Variants in NPSR1 observed in about 807,000 individuals in gnomAD.
NPSR1 encodes neuropeptide S receptor 1, also known as neuropeptide S receptor.
NPSR1 carries 48 observed loss-of-function variants against 46.9 expected under a neutral mutation model. The ratio of observed to expected loss-of-function variants is 1.02; its 90% CI spans 0.81 to 1.30. NPSR1 has a LOEUF of 1.30. Ranked by LOEUF, NPSR1 falls within the 50% of genes most tolerant of loss-of-function variation. The probability of loss-of-function intolerance (pLI) is 0.00; values close to 1 mark genes in which losing one functional copy is unlikely to be tolerated. For missense variants in NPSR1, 450 were observed against 449.5 expected (o/e 1.00, Z -0.01); for synonymous variants, 176 against 168.1 (o/e 1.05, Z -0.36).
rs1365723924 is a variant in NPSR1 at position 34,811,795 on chromosome 7, A to G, written c.410A>G (p.Tyr137Cys). Residue 137 changes from tyrosine (Y) to cysteine (C), a missense_variant, in exon 4 of 9, where the codon TAC becomes TGC. By Grantham distance (194) the Tyr-to-Cys change is radical. Coordinates refer to ENST00000360581, the MANE Select transcript of NPSR1 (RefSeq NM_207172.2). ...GTTGTGCTGCTCTACGCCTCTACCTACGTCCTGGTGTCCCTCAGCATAGAC... is the reference window on the plus strand; with the variant it reads ...GTTGTGCTGCTCTACGCCTCTACCTGCGTCCTGGTGTCCCTCAGCATAGAC... ...LQVVLLYAST[Y>C]VLVSLSIDRY... 4 of 1,613,346 alleles carry G rather than the reference A, an allele frequency of 2.5e-6. No homozygotes were observed. Among genetic ancestry groups the G allele is most frequent in the African/African-American group, 1.3e-5 (1 of 74,992 alleles).
intron 3 of NPSR1, among the ~76,000 whole-genome samples, chr7:34,789,067 A>T (rs1305148330): frequency 6.6e-6 from 1 of 152,110 alleles, no homozygotes; most frequent in Non-Finnish European, 1.5e-5. Flanking sequence ...CAAAGAAGAA[A>T]TTAAAAGCAA....
intron 2 of NPSR1, among the ~76,000 whole-genome samples, chr7:34,769,791 A>C (rs1414530112): frequency 6.6e-6 from 1 of 152,120 alleles, no homozygotes; most frequent in Non-Finnish European, 1.5e-5. Flanking sequence ...GCCTGTTGTG[A>C]CTCTACTTCG....
chr7:34,810,472 C>T (rs1377767724), intron 3 of NPSR1, among the ~76,000 whole-genome samples: 1 of 152,098 alleles, frequency 6.6e-6, no homozygotes. Context: ...ATAAAAGAGA[C>T]AGTGGGAAGG....
At chr7:34,665,652 A>T (rs1355212108) in intron 1 of NPSR1, among the ~76,000 whole-genome samples, 1 of 152,072 alleles carries the variant, frequency 6.6e-6, no homozygotes, top group African/African-American at 2.4e-5. Context: ...ATATCACGCT[A>T]ACCTCAATTG....
intron 2 of NPSR1, among the ~76,000 whole-genome samples, chr7:34,765,760 T>C (rs1488678636): frequency 6.6e-6 from 1 of 152,240 alleles, no homozygotes; most frequent in Non-Finnish European, 1.5e-5. Flanking sequence ...GCAACTTGGA[T>C]GCATCTGGAG....
chr7:34,822,499 G>A (rs35342796), intron 4 of NPSR1, among the ~76,000 whole-genome samples: 7 of 152,018 alleles, frequency 4.6e-5, no homozygotes, highest in African/African-American at 1.7e-4. Context: ...CAATTTTAAA[G>A]GTCTTCACCA....
At chr7:34,668,109 G>A (rs1410987058) in intron 1 of NPSR1, among the ~76,000 whole-genome samples, 1 of 152,034 alleles carries the variant, frequency 6.6e-6, no homozygotes, top group Non-Finnish European at 1.5e-5. Context: ...CTACAGCCAC[G>A]ATTCACCCAG....
intron 3 of NPSR1, among the ~76,000 whole-genome samples, chr7:34,807,921 T>C (rs1788788725): frequency 6.8e-6 from 1 of 147,778 alleles, no homozygotes; most frequent in South Asian, 2.3e-4. Context: ...ACAAAATCCG[T>C]ATCCTAATCC....
At chr7:34,806,693 T>A (rs1318639434) in intron 3 of NPSR1, among the ~76,000 whole-genome samples, 1 of 152,118 alleles carries the variant, frequency 6.6e-6, no homozygotes, top group East Asian at 1.9e-4. Context: ...GGTTCATCAG[T>A]TTTAACAAAT....
At chr7:34,750,168 T>A in intron 2 of NPSR1, 1 of 355,608 alleles carries the variant, frequency 2.8e-6, no homozygotes, top group Non-Finnish European at 5.2e-6. Flanking sequence ...GCAAATATTC[T>A]ACAAGGGGAA....
chr7:34,693,804 A>G (rs934775842), intron 2 of NPSR1, among the ~76,000 whole-genome samples: 1 of 152,210 alleles, frequency 6.6e-6, no homozygotes, highest in Non-Finnish European at 1.5e-5. Flanking sequence ...ATACATCACA[A>G]TCAAGTGAGT....
chr7:34,720,655 A>G (rs965925209), intron 2 of NPSR1, among the ~76,000 whole-genome samples: 6 of 152,054 alleles, frequency 3.9e-5, no homozygotes, highest in African/African-American at 1.4e-4. Context: ...AGTATTTAAG[A>G]GTCCTGAAGA....
intron 2 of NPSR1, chr7:34,719,723 C>T (rs192123320): frequency 6.6e-6 from 1 of 152,296 alleles, no homozygotes; most frequent in Admixed American, 6.5e-5. Flanking sequence ...TTTCCATTCT[C>T]TTATGCAAAA....
chr7:34,764,154 G>A (rs780511427), intron 2 of NPSR1, among the ~76,000 whole-genome samples: 2 of 152,156 alleles, frequency 1.3e-5, no homozygotes, highest in South Asian at 2.1e-4. Flanking sequence ...TTAAACAAAC[G>A]ACAAAGGCAT....
chr7:34,780,447 G>A (rs768439522), intron 3 of NPSR1, among the ~76,000 whole-genome samples: 5 of 152,176 alleles, frequency 3.3e-5, no homozygotes, highest in African/African-American at 1.2e-4. Context: ...TAGGGAAAAC[G>A]ATAGAGAAAG....
intron 2 of NPSR1, chr7:34,723,452 C>T (rs1248290628): frequency 3.9e-5 from 6 of 151,994 alleles, no homozygotes; most frequent in African/African-American, 1.2e-4. Flanking sequence ...ACACCAAGTG[C>T]CTAAGAATTT....
chr7:34,803,608 C>T (rs749512919), intron 3 of NPSR1, among the ~76,000 whole-genome samples: 2 of 151,738 alleles, frequency 1.3e-5, no homozygotes, highest in East Asian at 3.9e-4. Flanking sequence ...AGGAGATATA[C>T]CTAATGCTAA....
intron 4 of NPSR1, among the ~76,000 whole-genome samples, chr7:34,812,251 A>G (rs1170523359): frequency 6.6e-6 from 1 of 152,186 alleles, no homozygotes; most frequent in East Asian, 1.9e-4. Context: ...ATTTTCCAGA[A>G]ACAAACACCT....
intron 8 of NPSR1, among the ~76,000 whole-genome samples, chr7:34,859,304 T>A (rs1791129196): frequency 6.6e-6 from 1 of 151,796 alleles, no homozygotes; most frequent in Admixed American, 6.5e-5. Context: ...TCTTCTTGCC[T>A]GCCAAGGGGA....
Sources: allele counts gnomAD v4.1 joint callset (sites outside exome capture counted in the v4.1 genomes callset), GRCh38; gene constraint gnomAD v4.1.1; transcripts MANE v1.5; gene names NCBI Gene and HGNC (gene_info 2026-07-23, HGNC 2026-07-21).